Variants in HS6ST3 observed in about 807,000 individuals in gnomAD.
The protein encoded by HS6ST3 is heparan sulfate 6-O-sulfotransferase 3, also known as heparan-sulfate 6-O-sulfotransferase 3.
HS6ST3 carries 12 observed loss-of-function variants against 36.7 expected under a neutral mutation model. That is an observed-to-expected ratio of 0.33 (90% CI 0.21 to 0.53). HS6ST3 has a LOEUF of 0.53. Among genes scored for constraint, HS6ST3 ranks in the 20% least tolerant of loss-of-function variants. The probability of loss-of-function intolerance (pLI) is 0.95; values close to 1 mark genes in which losing one functional copy is unlikely to be tolerated. For synonymous variants in HS6ST3, 240 were observed against 257.5 expected (o/e 0.93, Z 0.65); for missense variants, 584 against 640.9 (o/e 0.91, Z 0.96).
chr13:96,547,599 A>C (rs558728313), intron 1 of HS6ST3, among the ~76,000 whole-genome samples: 1 of 152,308 alleles, frequency 6.6e-6, no homozygotes, highest in East Asian at 1.9e-4. Context: ...GAGAGAGAGA[A>C]AGAGAAAGAG....
intron 1 of HS6ST3, among the ~76,000 whole-genome samples, chr13:96,431,797 T>A (rs2139474964): frequency 6.6e-6 from 1 of 152,354 alleles, no homozygotes; most frequent in East Asian, 1.9e-4. Flanking sequence ...GCCTACGACA[T>A]AGATCATCTC....
At chr13:96,779,779 A>AC (rs1323207475) in intron 1 of HS6ST3, among the ~76,000 whole-genome samples, 1 of 151,754 alleles carries the variant, frequency 6.6e-6, no homozygotes, top group Non-Finnish European at 1.5e-5. Context: ...TAAAAAAAAA[A>AC]AAAAAAACAT....
At chr13:96,319,594 A>G (rs201623601) in intron 1 of HS6ST3, among the ~76,000 whole-genome samples, 100 of 152,270 alleles carry the variant, frequency 6.6e-4, no homozygotes, top group African/African-American at 2.3e-3. Context: ...TGGCTGCATC[A>G]TTTTCCATTC....
At chr13:96,623,378 A>G (rs946820796) in intron 1 of HS6ST3, among the ~76,000 whole-genome samples, 1 of 151,994 alleles carries the variant, frequency 6.6e-6, no homozygotes, top group African/African-American at 2.4e-5. Context: ...TCAGAGGATT[A>G]GGCTTTAAAC....
chr13:96,510,841 C>T (rs1304115507), intron 1 of HS6ST3, among the ~76,000 whole-genome samples: 3 of 152,074 alleles, frequency 2.0e-5, no homozygotes, highest in Non-Finnish European at 4.4e-5. Context: ...TTTTTGCTTT[C>T]TTGTAAAACA....
At chr13:96,701,830 C>T (rs1272396074) in intron 1 of HS6ST3, among the ~76,000 whole-genome samples, 3 of 152,000 alleles carry the variant, frequency 2.0e-5, no homozygotes, top group African/African-American at 4.8e-5. Flanking sequence ...GGCATGGAGG[C>T]GTGAATCTGT....
intron 1 of HS6ST3, among the ~76,000 whole-genome samples, chr13:96,831,918 G>GCA (rs2138549949): frequency 7.9e-6 from 1 of 126,348 alleles, no homozygotes; most frequent in African/African-American, 3.1e-5. Context: ...TTGTGCCACT[G>GCA]CACTCCAGCC....
rs537655380 is a variant in HS6ST3, at chr13:96,835,314, A to G, written c.*2116A>G. On this transcript the variant is annotated 3_prime_UTR_variant, in exon 2 of 2. Coordinates refer to ENST00000376705, the MANE Select transcript of HS6ST3 (RefSeq NM_153456.4). Reference sequence around the variant, plus strand: ...CCCCCTCCACATCACTGAGCCATCAATGAGCTGAGAGATCAATGACTTTTT... The same window carrying G: ...CCCCCTCCACATCACTGAGCCATCAGTGAGCTGAGAGATCAATGACTTTTT... 1.3e-5 allele frequency: 2 copies of G among 152,432 alleles called. No individual in the cohort carries two copies. Among genetic ancestry groups the G allele is most frequent in the East Asian group, 3.9e-4 (2 of 5,178 alleles). The allele number at this position is 152,432 out of a possible 1,614,324, so 9.4% of individuals were successfully genotyped here.
intron 1 of HS6ST3, among the ~76,000 whole-genome samples, chr13:96,566,099 A>G (rs1315827181): frequency 6.6e-6 from 1 of 151,844 alleles, no homozygotes; most frequent in Non-Finnish European, 1.5e-5. Context: ...GGATTTAAAT[A>G]TATGCTACTT....
At chr13:96,312,270 CG>C (rs1566320281) in intron 1 of HS6ST3, among the ~76,000 whole-genome samples, 1 of 151,956 alleles carries the variant, frequency 6.6e-6, no homozygotes, top group African/African-American at 2.4e-5. Context: ...TTCCAATTTG[CG>C]TTATGGTTCA....
chr13:96,419,000 A>T (rs532979105), intron 1 of HS6ST3, among the ~76,000 whole-genome samples: 1 of 152,252 alleles, frequency 6.6e-6, no homozygotes, highest in Non-Finnish European at 1.5e-5. Flanking sequence ...AAACGCCCCG[A>T]TAAATGCCTT....
intron 1 of HS6ST3, among the ~76,000 whole-genome samples, chr13:96,700,858 T>C (rs1025268643): frequency 6.6e-6 from 1 of 152,204 alleles, no homozygotes; most frequent in Admixed American, 6.5e-5. Context: ...TTCACTCTTA[T>C]CTCTTTGGAT....
intron 1 of HS6ST3, among the ~76,000 whole-genome samples, chr13:96,498,280 C>T (rs931065144): frequency 6.6e-6 from 1 of 152,182 alleles, no homozygotes; most frequent in Admixed American, 6.5e-5. Flanking sequence ...AAGGGAACTT[C>T]AGAAAACAAC....
intron 1 of HS6ST3, among the ~76,000 whole-genome samples, chr13:96,816,084 A>G (rs1286079858): frequency 2.0e-5 from 3 of 152,210 alleles, no homozygotes; most frequent in Non-Finnish European, 4.4e-5. Context: ...GGAAGGCCTC[A>G]CATATCCTGA....
intron 1 of HS6ST3, among the ~76,000 whole-genome samples, chr13:96,511,599 A>G (rs2056050064): frequency 6.8e-6 from 1 of 148,058 alleles, no homozygotes; most frequent in African/African-American, 2.5e-5. Flanking sequence ...TGTTTGTTTG[A>G]TTTTGATTTA....
At chr13:96,096,038 T>G (rs147810160) in intron 1 of HS6ST3, among the ~76,000 whole-genome samples, 1 of 152,106 alleles carries the variant, frequency 6.6e-6, no homozygotes, top group African/African-American at 2.4e-5. Flanking sequence ...CTTTTTTTTT[T>G]GTATACCACT....
intron 1 of HS6ST3, among the ~76,000 whole-genome samples, chr13:96,575,945 AG>A (rs1445293346): frequency 3.3e-5 from 5 of 152,240 alleles, no homozygotes; most frequent in African/African-American, 4.8e-5. Flanking sequence ...AAACTCGTCA[AG>A]TGGATTGGGT....
chr13:96,486,381 A>C (rs1479531908), intron 1 of HS6ST3, among the ~76,000 whole-genome samples: 1 of 152,170 alleles, frequency 6.6e-6, no homozygotes, highest in Non-Finnish European at 1.5e-5. Flanking sequence ...GTATTTACCC[A>C]GTAATGGGAT....
intron 1 of HS6ST3, among the ~76,000 whole-genome samples, chr13:96,171,463 T>C (rs1217654346): frequency 6.6e-6 from 1 of 152,168 alleles, no homozygotes; most frequent in African/African-American, 2.4e-5. Context: ...CCAGGATGCT[T>C]GCTCAGGCCT....
Sources: gnomAD v4.1 joint callset for allele counts (sites outside exome capture counted in the v4.1 genomes callset) on GRCh38, gnomAD v4.1.1 for gene constraint, MANE v1.5 for transcripts, NCBI Gene and HGNC (gene_info 2026-07-23, HGNC 2026-07-21) for gene names.